PCDH11Y: variants seen among roughly 807,000 people sequenced by gnomAD.
PCDH11Y encodes protocadherin-11 Y-linked.
For missense variants in PCDH11Y, 12 were observed against 224.8 expected (o/e 0.05, Z 6.05); for synonymous variants, 9 against 83.6 (o/e 0.11, Z 4.87).
At chrY:5,026,790 T>G in intron 1 of PCDH11Y, among the ~76,000 whole-genome samples, 1 of 33,457 alleles carries the variant, frequency 3.0e-5, no homozygotes, top group Non-Finnish European at 7.4e-5. Flanking sequence ...ATATTGCATA[T>G]CTCATATATA....
At chrY:5,298,065 A>G in intron 2 of PCDH11Y, among the ~76,000 whole-genome samples, 1 of 34,003 alleles carries the variant, frequency 2.9e-5, no homozygotes, top group Non-Finnish European at 7.3e-5. Flanking sequence ...ATCTAATACA[A>G]TGAGTGGAAA....
chrY:5,313,836 CAT>C, intron 2 of PCDH11Y, among the ~76,000 whole-genome samples: 1 of 32,056 alleles, frequency 3.1e-5, no homozygotes, highest in Non-Finnish European at 7.6e-5. Flanking sequence ...ATAGAAGACA[CAT>C]GTTTTAACAT....
chrY:5,336,489 T>C (rs2053137564), intron 2 of PCDH11Y, among the ~76,000 whole-genome samples: 1 of 28,434 alleles, frequency 3.5e-5, no homozygotes, highest in Non-Finnish European at 8.1e-5. Flanking sequence ...GCCAGGATGG[T>C]CTGGATTCCC....
At chrY:5,413,806 T>A in intron 2 of PCDH11Y, among the ~76,000 whole-genome samples, 3 of 32,886 alleles carry the variant, frequency 9.1e-5, no homozygotes, top group African/African-American at 3.6e-4. Flanking sequence ...ATCCAATTTC[T>A]TCCTGGTTTA....
intron 1 of PCDH11Y, among the ~76,000 whole-genome samples, chrY:5,009,646 AGGGAGTATG>A (rs2052544932): frequency 2.9e-5 from 1 of 34,120 alleles, no homozygotes; most frequent in Non-Finnish European, 7.3e-5. Context: ...TGCGTTTGTT[AGGGAGTATG>A]GGTCAGGCAA....
intron 2 of PCDH11Y, among the ~76,000 whole-genome samples, chrY:5,405,077 A>C: frequency 7.8e-5 from 2 of 25,651 alleles, no homozygotes; most frequent in Non-Finnish European, 1.8e-4. Context: ...TCTTTTAAGT[A>C]ACAAGATTTA....
At chrY:5,640,466 A>T (rs2124705002) in intron 4 of PCDH11Y, among the ~76,000 whole-genome samples, 2 of 33,933 alleles carry the variant, frequency 5.9e-5, no homozygotes, top group Admixed American at 5.4e-4. Flanking sequence ...TATCAAAATT[A>T]TTCTTTGATT....
intron 2 of PCDH11Y, among the ~76,000 whole-genome samples, chrY:5,484,522 T>C (rs2124686143): frequency 3.0e-5 from 1 of 33,470 alleles, no homozygotes; most frequent in East Asian, 8.0e-4. Context: ...TTTCAAATGT[T>C]TTAAAATAAT....
intron 2 of PCDH11Y, among the ~76,000 whole-genome samples, chrY:5,180,414 G>A (rs2052898869): frequency 3.0e-5 from 1 of 33,791 alleles, no homozygotes; most frequent in Non-Finnish European, 7.3e-5. Context: ...TTGAATTTGG[G>A]TGGAGATTTC....
chrY:5,201,077 A>G (rs2052926348), intron 2 of PCDH11Y, among the ~76,000 whole-genome samples: 3 of 33,104 alleles, frequency 9.1e-5, no homozygotes, highest in African/African-American at 3.5e-4. Context: ...AAAAAGAGAG[A>G]TCTGAACACA....
chrY:5,584,034 T>C (rs1602946432), intron 4 of PCDH11Y, among the ~76,000 whole-genome samples: 9 of 31,872 alleles, frequency 2.8e-4, no homozygotes, highest in African/African-American at 7.3e-4. Flanking sequence ...TTTTCGTTTT[T>C]TCCCCTTTCA....
At chrY:5,316,998 G>A (rs2053108120) in intron 2 of PCDH11Y, among the ~76,000 whole-genome samples, 2 of 32,598 alleles carry the variant, frequency 6.1e-5, no homozygotes, top group Admixed American at 2.9e-4. Context: ...GAGGACACAC[G>A]CCCATAACAG....
At chrY:5,340,597 C>T (rs370193626) in intron 2 of PCDH11Y, among the ~76,000 whole-genome samples, 2 of 33,663 alleles carry the variant, frequency 5.9e-5, no homozygotes, top group Non-Finnish European at 1.5e-4. Context: ...AAAGTGTATA[C>T]TCTGCAGCAG....
chrY:5,489,960 ACAT>A (rs2053336985), intron 2 of PCDH11Y, among the ~76,000 whole-genome samples: 1 of 32,416 alleles, frequency 3.1e-5, no homozygotes, highest in African/African-American at 1.2e-4. Flanking sequence ...GGGTAGTCTG[ACAT>A]CATTAAAATT....
intron 2 of PCDH11Y, among the ~76,000 whole-genome samples, chrY:5,437,906 T>C (rs2053276921): frequency 3.0e-5 from 1 of 33,022 alleles, no homozygotes; most frequent in Non-Finnish European, 7.5e-5. Flanking sequence ...CACCAGCTTT[T>C]TAACAGTGTC....
chrY:5,030,939 G>A, intron 1 of PCDH11Y: 2 of 28,324 alleles, frequency 7.1e-5, no homozygotes, highest in Non-Finnish European at 1.7e-4. Context: ...TGGATGAATG[G>A]ATGGAAGAGG....
chrY:5,054,736 A>G, upstream of PCDH11Y, among the ~76,000 whole-genome samples: 3 of 32,873 alleles, frequency 9.1e-5, no homozygotes, highest in Non-Finnish European at 2.2e-4. Context: ...TAGAACACAT[A>G]TATGTGTGCA....
At chrY:5,052,579 T>C, upstream of PCDH11Y, among the ~76,000 whole-genome samples, 2 of 33,249 alleles carry the variant, frequency 6.0e-5, no homozygotes, top group Admixed American at 5.6e-4. Flanking sequence ...ATTTTATTTC[T>C]GCTTTTGCTT....
intron 2 of PCDH11Y, among the ~76,000 whole-genome samples, chrY:5,234,318 AC>A (rs2052972323): frequency 4.7e-5 from 1 of 21,459 alleles, no homozygotes; most frequent in Non-Finnish European, 9.6e-5. Context: ...ATCTTGGCTC[AC>A]TACAACCTCC....
Sources: gnomAD v4.1 joint callset for allele counts (sites outside exome capture counted in the v4.1 genomes callset) on GRCh38, gnomAD v4.1.1 for gene constraint, MANE v1.5 for transcripts, NCBI Gene and HGNC (gene_info 2026-07-23, HGNC 2026-07-21) for gene names.